The following CXADR variants were observed in gnomAD, a reference collection of about 807,000 sequenced individuals.
CXADR encodes coxsackievirus and adenovirus receptor.
Under a neutral mutation model 40.3 loss-of-function variants are expected in CXADR, and 20 were observed. That is an observed-to-expected ratio of 0.50 (90% CI 0.35 to 0.72). The LOEUF (loss-of-function observed/expected upper bound fraction) is 0.72. Ranked by LOEUF, CXADR falls within the 30% of genes least tolerant of loss-of-function variation. CXADR has a pLI of 0.01. For synonymous variants in CXADR, 150 were observed against 161.3 expected (o/e 0.93, Z 0.53); for missense variants, 332 against 449.1 (o/e 0.74, Z 2.36).
intron 1 of CXADR, among the ~76,000 whole-genome samples, chr21:17,526,859 T>C (rs1220508826): frequency 6.6e-6 from 1 of 152,026 alleles, no homozygotes; most frequent in Non-Finnish European, 1.5e-5. Context: ...TTTTGCTAAA[T>C]AGTCACTTTT....
the CXADR span, among the ~76,000 whole-genome samples, chr21:17,623,543 T>G: frequency 6.6e-6 from 1 of 152,222 alleles, no homozygotes; most frequent in African/African-American, 2.4e-5. Context: ...GTACTGCCTG[T>G]GTGAGAGGAC....
chr21:17,629,681 C>A, the CXADR span, among the ~76,000 whole-genome samples: 2 of 151,990 alleles, frequency 1.3e-5, no homozygotes, highest in African/African-American at 2.4e-5. Context: ...ATGAAAACAT[C>A]AAATGGAGGA....
chr21:17,542,692 C>T (rs1196672021), intron 1 of CXADR, among the ~76,000 whole-genome samples: 1 of 152,140 alleles, frequency 6.6e-6, no homozygotes, highest in African/African-American at 2.4e-5. Context: ...TAATAATGTG[C>T]CGCATATTTT....
chr21:17,601,032 G>GACA, the CXADR span, among the ~76,000 whole-genome samples: 1 of 152,132 alleles, frequency 6.6e-6, no homozygotes, highest in Non-Finnish European at 1.5e-5. Context: ...GCATGGTGGT[G>GACA]TGCGCCTGTA....
chr21:17,605,167 C>T, the CXADR span: 4 of 718,258 alleles, frequency 5.6e-6, no homozygotes, highest in Non-Finnish European at 8.4e-6. Flanking sequence ...GAACTACAGG[C>T]ACAGAGGCAG....
rs139182516 is a variant in CXADR, at chr21:17,592,112, G to A, written c.1018-1040G>A. ...AAGAGGCCCTGTCATTTAATCGTCA[G>A]AACTAATTAAGGAGATTTTGTAGTA... is the stretch of plus-strand genomic sequence containing the variant. On this transcript the variant is annotated intron_variant, in intron 7 of 7. Transcript: ENST00000400169. Among the ~76,000 whole-genome samples, 493 of 152,030 alleles carry A rather than the reference G, an allele frequency of 3.2e-3. 3 individuals carry two copies. The highest frequency in any genetic ancestry group is 0.011 in the African/African-American group (460 of 41,526).
chr21:17,624,909 C>G, the CXADR span, among the ~76,000 whole-genome samples: 1 of 152,144 alleles, frequency 6.6e-6, no homozygotes, highest in African/African-American at 2.4e-5. Flanking sequence ...GCCTTTCTGA[C>G]CAGCCTGTAA....
At chr21:17,575,036 CATACATACATACATAA>C (rs1423776001), downstream of CXADR, among the ~76,000 whole-genome samples, 241 of 151,074 alleles carry the variant, frequency 1.6e-3, 2 homozygotes, top group East Asian at 5.8e-3. Context: ...TACATACATA[CATACATACATACATAA>C]GGGTTGATAT....
intron 1 of CXADR, among the ~76,000 whole-genome samples, chr21:17,543,790 A>G (rs1278259928): frequency 6.6e-6 from 1 of 152,220 alleles, no homozygotes; most frequent in Non-Finnish European, 1.5e-5. Flanking sequence ...ATGATTTAAT[A>G]GTAAATCAGG....
chr21:17,568,404 A>G lies in CXADR; in HGVS notation c.*2712A>G. The G allele has an allele frequency of 1.0e-6, 1 of 982,228 alleles. No individual in the cohort carries two copies. The highest frequency in any genetic ancestry group is 1.1e-4 in the East Asian group (1 of 8,798). 60.8% of individuals were successfully genotyped at this position (982,228 alleles called of 1,614,324 possible). A position where few individuals can be genotyped will look rare whatever the true frequency, so the allele number is the denominator to read the frequency against. On this transcript the variant is annotated 3_prime_UTR_variant, in exon 7 of 7. Transcript: ENST00000284878. ...CGGCCTCCCAAAGTGCTGGGATTAC[A>G]GGCGTGAACCACTGCACCCGGCCCA...
At chr21:17,604,815 GT>G in the CXADR span, 1 of 1,585,302 alleles carries the variant, frequency 6.3e-7, no homozygotes, top group African/African-American at 1.4e-5. Flanking sequence ...CATAAAATTA[GT>G]TCCAGCATGG....
At chr21:17,574,699 G>C (rs2061305850), downstream of CXADR, among the ~76,000 whole-genome samples, 2 of 152,186 alleles carry the variant, frequency 1.3e-5, no homozygotes, top group Admixed American at 1.3e-4. Flanking sequence ...TCATGGTAGA[G>C]AATGCAGACA....
At chr21:17,622,924 C>T in the CXADR span, among the ~76,000 whole-genome samples, 94 of 152,252 alleles carry the variant, frequency 6.2e-4, no homozygotes, top group African/African-American at 2.1e-3. Context: ...GGGTGTGTAG[C>T]TTATGCTAAT....
intron 7 of CXADR, among the ~76,000 whole-genome samples, chr21:17,591,416 T>C (rs2061434009): frequency 6.6e-6 from 1 of 152,048 alleles, no homozygotes; most frequent in Non-Finnish European, 1.5e-5. Context: ...TATTTTTCCC[T>C]CTTCCTAATC....
At chr21:17,600,134 G>C in the CXADR span, among the ~76,000 whole-genome samples, 1 of 151,522 alleles carries the variant, frequency 6.6e-6, no homozygotes, top group Admixed American at 6.6e-5. Flanking sequence ...ATATGCTGCT[G>C]GTTACTTAAA....
chr21:17,566,185 T>G lies in CXADR; in HGVS notation c.*493T>G. 4 of 984,256 alleles carry G rather than the reference T, an allele frequency of 4.1e-6. No individual in the cohort carries two copies. The highest frequency in any genetic ancestry group is 4.8e-6 in the Non-Finnish European group (4 of 828,816). 61.0% of individuals were successfully genotyped at this position (984,256 alleles called of 1,614,324 possible). A position where few individuals can be genotyped will look rare whatever the true frequency, so the allele number is the denominator to read the frequency against. Reference sequence around the variant, plus strand: ...TTACTTACGTATGTTTGTACTTGGTTTTACAGCTCCTTTGAAAACTCTGTG... The same window carrying G: ...TTACTTACGTATGTTTGTACTTGGTGTTACAGCTCCTTTGAAAACTCTGTG... On this transcript the variant is annotated 3_prime_UTR_variant, in exon 7 of 7. Coordinates refer to ENST00000284878, the MANE Select transcript of CXADR (RefSeq NM_001338.5).
In CXADR at chr21:17,567,564, G is replaced by T; in HGVS notation, c.*1872G>T. 2.0e-6 allele frequency: 2 copies of T among 985,140 alleles called. No individual in the cohort carries two copies. Among genetic ancestry groups the T allele is most frequent in the Non-Finnish European group, 2.4e-6 (2 of 829,758 alleles). 61.0% of individuals were successfully genotyped at this position (985,140 alleles called of 1,614,324 possible). ...ACATTTTCAAGCTTGCCTCTTTTCT[G>T]TTCTTTGTGGATATAACTTAAGCAA... On this transcript the variant is annotated 3_prime_UTR_variant, in exon 7 of 7. Transcript: ENST00000284878.
chr21:17,550,367 AG>A (rs2060951325), intron 2 of CXADR, among the ~76,000 whole-genome samples: 2 of 150,360 alleles, frequency 1.3e-5, no homozygotes, highest in East Asian at 2.0e-4. Context: ...AAAAAAAAAA[AG>A]ATCTTTGGTG....
chr21:17,557,536 T>C (rs921584036), intron 3 of CXADR, among the ~76,000 whole-genome samples: 1 of 152,200 alleles, frequency 6.6e-6, no homozygotes, highest in Non-Finnish European at 1.5e-5. Flanking sequence ...ACACACTTGC[T>C]CCTTGTCAGT....
Sources: allele counts gnomAD v4.1 joint callset (sites outside exome capture counted in the v4.1 genomes callset), GRCh38; gene constraint gnomAD v4.1.1; transcripts MANE v1.5; gene names NCBI Gene and HGNC (gene_info 2026-07-23, HGNC 2026-07-21).